Variants in LAX1 observed in about 807,000 individuals in gnomAD.
LAX1 encodes the protein lymphocyte transmembrane adaptor 1.
In LAX1, 17 loss-of-function variants were observed where a neutral mutation model predicts 20.7. That is an observed-to-expected ratio of 0.82 (90% CI 0.56 to 1.23). LAX1 has a LOEUF of 1.23. LAX1 is among the 50% of genes most tolerant of loss of function. The pLI is 0.00. For synonymous variants in LAX1, 165 were observed against 181.0 expected (o/e 0.91, Z 0.71); for missense variants, 470 against 487.0 (o/e 0.97, Z 0.33).
intron 1 of LAX1, among the ~76,000 whole-genome samples, chr1:203,768,908 C>T (rs67072942): frequency 0.19 from 28,224 of 151,922 alleles, 2,734 homozygotes; most frequent in Middle Eastern, 0.28. Flanking sequence ...GGTAATGCAG[C>T]CAGAATCTGC....
chr1:203,765,469 G>T lies in LAX1; in HGVS notation c.-97G>T, dbSNP rs1260433094. 10 of 1,571,152 alleles carry T rather than the reference G, an allele frequency of 6.4e-6. No individual in the cohort carries two copies. The highest frequency in any genetic ancestry group is 1.4e-5 in the African/African-American group (1 of 74,028). On this transcript the variant is annotated 5_prime_UTR_variant, in exon 1 of 5. Transcript: ENST00000442561. ...GACACGAGATAGGGAGTTTGTTGCG[G>T]GGGTGGGGAGAAGTGGTAGACATGC...
intron 1 of LAX1, among the ~76,000 whole-genome samples, chr1:203,766,559 G>A (rs1352195520): frequency 6.6e-6 from 1 of 152,192 alleles, no homozygotes; most frequent in Non-Finnish European, 1.5e-5. Context: ...TGGTAGATAT[G>A]AGCATCAATG....
intron 1 of LAX1, among the ~76,000 whole-genome samples, chr1:203,769,467 G>GT (rs1240969213): frequency 3.5e-5 from 5 of 144,026 alleles, no homozygotes; most frequent in African/African-American, 1.0e-4. Context: ...AGAAAAGAAA[G>GT]AAAGTTGTAT....
chr1:203,771,397 T>C lies in LAX1; in HGVS notation c.230T>C (p.Met77Thr). ...GTTCCTTACCTCCGAGTTACCGTCATGCCCTTGCTGACTTTGCCACAAACC... is the reference window on the plus strand; with the variant it reads ...GTTCCTTACCTCCGAGTTACCGTCACGCCCTTGCTGACTTTGCCACAAACC... ...RQVPYLRVTV[M>T]PLLTLPQTRQ... is the part of the protein sequence containing the mutation. The change falls in exon 3 of 5, where the codon ATG becomes ACG. Residue 77 changes from methionine to threonine, a missense_variant. By Grantham distance (81) the Met-to-Thr change is moderately conservative (BLOSUM62 -1). Coordinates refer to ENST00000442561, the MANE Select transcript of LAX1 (RefSeq NM_017773.4). The C allele has an allele frequency of 7.4e-6, 12 of 1,613,874 alleles. No homozygotes were observed. The highest frequency in any genetic ancestry group is 9.3e-6 in the Non-Finnish European group (11 of 1,179,754).
At chr1:203,771,006 A>G in intron 2 of LAX1, 69 bp downstream of exon 2, 1 of 1,276,396 alleles carries the variant, frequency 7.8e-7, no homozygotes, top group Non-Finnish European at 1.1e-6. Context: ...TTTAAAGCCC[A>G]GCTTATTTAC....
At chr1:203,771,642 G>A (rs1158576088) in intron 3 of LAX1, among the ~76,000 whole-genome samples, 165 bp downstream of exon 3, 1 of 152,142 alleles carries the variant, frequency 6.6e-6, no homozygotes, top group Non-Finnish European at 1.5e-5. Context: ...GCAACTCCAG[G>A]GGGGTCTGGA....
chr1:203,773,827 C>A, intron 4 of LAX1, 48 bp from the exon 5 acceptor site: 1 of 715,866 alleles, frequency 1.4e-6, no homozygotes, highest in Non-Finnish European at 2.0e-6. Context: ...AGGCTTTGTC[C>A]ATATTTCTGC....
rs571573582 is a variant in LAX1, at chr1:203,775,679, C to T, written c.*998C>T. On this transcript the variant is annotated 3_prime_UTR_variant, in exon 5 of 5. Transcript: ENST00000442561. ...AAAAACTAGAAATAACCCAGATATC[C>T]TTCAACAGGTGATTGGATAAGCTGT... 6.6e-6 allele frequency: 1 copy of T among 152,286 alleles called. No homozygotes were observed. The highest frequency in any genetic ancestry group is 1.9e-4 in the East Asian group (1 of 5,182). 9.4% of individuals were successfully genotyped at this position (152,286 alleles called of 1,614,324 possible). A position where few individuals can be genotyped will look rare whatever the true frequency, so the allele number is the denominator to read the frequency against.
Position 203,776,285 on chromosome 1 carries a change from G to A in LAX1, c.*1604G>A, listed in dbSNP as rs1266311398. 2.0e-5 allele frequency: 3 copies of A among 150,164 alleles called. No individual in the cohort carries two copies. The highest frequency in any genetic ancestry group is 7.4e-5 in the African/African-American group (3 of 40,522). The allele number at this position is 150,164 out of a possible 1,614,324, so 9.3% of individuals were successfully genotyped here. A position where few individuals can be genotyped will look rare whatever the true frequency, so the allele number is the denominator to read the frequency against. On this transcript the variant is annotated 3_prime_UTR_variant, in exon 5 of 5. Coordinates refer to ENST00000442561, the MANE Select transcript of LAX1 (RefSeq NM_017773.4). The stretch of plus-strand genomic sequence containing the variant: ...CCCAGCTACTAGGAGGCTGAGGCAG[G>A]AGAATCACTTGAACCAGGAAGGCGG...
intron 4 of LAX1, 62 bp downstream of exon 4, chr1:203,772,209 T>C: frequency 7.9e-7 from 1 of 1,263,612 alleles, no homozygotes; most frequent in Non-Finnish European, 1.2e-6. Flanking sequence ...GGGGAAAGAG[T>C]TATAGGGCTT....
Position 203,770,881 on chromosome 1 carries a change from T to C in LAX1, c.143T>C (p.Ile48Thr). Residue 48 changes from isoleucine (I) to threonine (T), a missense_variant, in exon 2 of 5, where the codon ATC becomes ACC. Transcript: ENST00000442561. ...TCCGGGTTTGCGGGACTCCTCGCCA[T>C]CCTCCTGGTCGTTGCGGTTTTCTGC... ...IFSGFAGLLA[I>T]LLVVAVFCIL... 6.2e-7 allele frequency: 1 copy of C among 1,614,188 alleles called. No homozygotes were observed. Among genetic ancestry groups the C allele is most frequent in the Non-Finnish European group, 8.5e-7 (1 of 1,180,026 alleles).
chr1:203,769,597 T>G (rs950766183), intron 1 of LAX1: 7 of 152,110 alleles, frequency 4.6e-5, no homozygotes, highest in Non-Finnish European at 1.0e-4. Context: ...CAGCTTCCTG[T>G]TGCATTAGGC....
chr1:203,769,102 G>T (rs1030490844), intron 1 of LAX1, among the ~76,000 whole-genome samples: 2 of 151,940 alleles, frequency 1.3e-5, no homozygotes, highest in Non-Finnish European at 2.9e-5. Flanking sequence ...CTAGAAACTT[G>T]GATGGGCTGG....
chr1:203,774,443 A>G lies in LAX1; in HGVS notation c.959A>G (p.His320Arg), dbSNP rs1667476365. Residue 320 changes from histidine (H) to arginine (R), a missense_variant, in exon 5 of 5, where the codon CAT (histidine) becomes CGT (arginine). By Grantham distance (29) the His-to-Arg change is conservative. Transcript: ENST00000442561. ...GATGTGCCATCCTCAAACATAGGTC[A>G]TGTCGAGGACAAGACAGATGATCCC... ...EKDVPSSNIG[H>R]VEDKTDDPGT... The G allele has an allele frequency of 6.2e-7, 1 of 1,614,076 alleles. No homozygotes were observed. The highest frequency in any genetic ancestry group is 1.3e-5 in the African/African-American group (1 of 74,936).
At chr1:203,769,429 GAAA>G (rs1261611031) in intron 1 of LAX1, among the ~76,000 whole-genome samples, 62 of 100,538 alleles carry the variant, frequency 6.2e-4, no homozygotes, top group South Asian at 1.3e-3. Flanking sequence ...AAGAAAGAAA[GAAA>G]GAAAGAAAGA....
rs775574706 is a variant in LAX1 at position 203,771,456 on chromosome 1, C to T, written c.289C>T (p.Pro97Ser). 1.9e-6 allele frequency: 3 copies of T among 1,610,602 alleles called. No individual in the cohort carries two copies. The highest frequency in any genetic ancestry group is 2.2e-5 in the East Asian group (1 of 44,868). The change falls in exon 3 of 5, where the codon CCT becomes TCT. Residue 97 changes from proline (P) to serine (S), a missense_variant. Pro to Ser is a moderately conservative substitution (Grantham distance 74). Transcript: ENST00000442561. ...QRAKNIYDIL[P>S]WRQEDLGRHE... ...AGCCAAAAATATTTATGACATCTTG[C>T]CTTGGCGACAGGAAGACCTGGGTAG...
chr1:203,771,788 A>G (rs1667426931), intron 3 of LAX1, among the ~76,000 whole-genome samples: 3 of 152,188 alleles, frequency 2.0e-5, no homozygotes, highest in African/African-American at 7.2e-5. Context: ...CCAGCATCAC[A>G]GGCAGAGGAT....
chr1:203,767,102 C>T (rs1007393513), intron 1 of LAX1, among the ~76,000 whole-genome samples: 3 of 151,642 alleles, frequency 2.0e-5, no homozygotes, highest in South Asian at 2.1e-4. Context: ...TTAGGTGATC[C>T]GCCCACCTCT....
rs755164305 is a variant in LAX1, at chr1:203,767,303, C to CTTTTTTTTTTTTTTTTTTTTTT, written c.89+1670_89+1671insTTTTTTTTTTTTTTTTTTTTTT. ...GTAACCACCATTCTACTCTCCACTT[C>CTTTTTTTTTTTTTTTTTTTTTT]TTTTTTTTTTTTTTTTTTTTTGAGA... On this transcript the variant is annotated intron_variant, in intron 1 of 4. Coordinates refer to ENST00000442561, the MANE Select transcript of LAX1 (RefSeq NM_017773.4). Among the ~76,000 whole-genome samples, 15 of 90,444 alleles carry CTTTTTTTTTTTTTTTTTTTTTT rather than the reference C, an allele frequency of 1.7e-4. 2 individuals are homozygous for CTTTTTTTTTTTTTTTTTTTTTT. In the East Asian group the frequency reaches 3.2e-3, roughly 19 times the overall value. 59.3% of individuals were successfully genotyped at this position (90,444 alleles called of 152,430 possible).
Sources: gnomAD v4.1 joint callset for allele counts (sites outside exome capture counted in the v4.1 genomes callset) on GRCh38, gnomAD v4.1.1 for gene constraint, MANE v1.5 for transcripts, NCBI Gene and HGNC (gene_info 2026-07-23, HGNC 2026-07-21) for gene names.